EYS: variants seen among roughly 807,000 people sequenced by gnomAD.
The protein encoded by EYS is EGF-like photoreceptor maintenance factor, also known as protein eyes shut homolog.
A neutral mutation model predicts 282.1 loss-of-function variants in EYS; 250 were observed. The ratio of observed to expected loss-of-function variants is 0.89; its 90% CI spans 0.80 to 0.98. The LOEUF is 0.98. Ranked by LOEUF, EYS falls within the 50% of genes least tolerant of loss-of-function variation. The probability of loss-of-function intolerance (pLI) is 0.00; values close to 1 mark genes in which losing one functional copy is unlikely to be tolerated. For missense variants in EYS, 4,016 were observed against 3,709.0 expected, an observed-to-expected ratio of 1.08 and a Z score of -2.15; for synonymous variants, 1,355 against 1,282.9, an observed-to-expected ratio of 1.06 and a Z score of -1.20.
intron 30 of EYS, among the ~76,000 whole-genome samples, chr6:64,300,928 C>T (rs1769211946): frequency 6.6e-6 from 1 of 152,194 alleles, no homozygotes; most frequent in African/African-American, 2.4e-5. Context: ...GTGTCAGTAT[C>T]ATGTAAATCA....
At chr6:64,811,344 G>A (rs891592533) in intron 22 of EYS, among the ~76,000 whole-genome samples, 2 of 151,724 alleles carry the variant, frequency 1.3e-5, no homozygotes, top group African/African-American at 2.4e-5. Context: ...AGTAATGAAT[G>A]CCTATGCTTA....
chr6:64,546,850 G>A (rs1256464134), intron 26 of EYS, among the ~76,000 whole-genome samples: 11 of 152,148 alleles, frequency 7.2e-5, no homozygotes, highest in East Asian at 5.8e-4. Context: ...TTAGAATGGC[G>A]ATCATTAAAA....
At chr6:63,907,209 G>C (rs941243286) in intron 35 of EYS, among the ~76,000 whole-genome samples, 7 of 151,990 alleles carry the variant, frequency 4.6e-5, no homozygotes, top group African/African-American at 1.7e-4. Context: ...AAGAATATTG[G>C]GTCCTCAAAC....
chr6:64,969,210 C>T (rs1290304912), intron 14 of EYS, among the ~76,000 whole-genome samples: 1 of 152,068 alleles, frequency 6.6e-6, no homozygotes, highest in Non-Finnish European at 1.5e-5. Context: ...AAATTGTCAG[C>T]TGAAAGAAAA....
chr6:65,050,868 G>T (rs1773250135), intron 13 of EYS, among the ~76,000 whole-genome samples: 1 of 151,574 alleles, frequency 6.6e-6, no homozygotes, highest in South Asian at 2.1e-4. Flanking sequence ...CCAGAAAACA[G>T]CATTATTACT....
chr6:64,620,982 G>A (rs533233346), intron 23 of EYS, among the ~76,000 whole-genome samples: 1 of 152,024 alleles, frequency 6.6e-6, no homozygotes, highest in Non-Finnish European at 1.5e-5. Context: ...GACAACTTTA[G>A]GTGACACATT....
intron 5 of EYS, among the ~76,000 whole-genome samples, chr6:65,454,071 G>T (rs1764511410): frequency 1.3e-5 from 2 of 151,020 alleles, no homozygotes; most frequent in South Asian, 4.2e-4. Flanking sequence ...TCATATGGTA[G>T]TTCTATTTTT....
intron 2 of EYS, among the ~76,000 whole-genome samples, chr6:65,501,333 T>G (rs1271665994): frequency 6.6e-6 from 1 of 151,956 alleles, no homozygotes; most frequent in Non-Finnish European, 1.5e-5. Flanking sequence ...TGTAGATGAT[T>G]AAAATGAGAA....
intron 14 of EYS, among the ~76,000 whole-genome samples, chr6:64,956,067 T>C (rs1476154541): frequency 6.6e-6 from 1 of 151,508 alleles, no homozygotes; most frequent in Non-Finnish European, 1.5e-5. Context: ...ATCAATGACA[T>C]CCTTCACAGA....
intron 26 of EYS, among the ~76,000 whole-genome samples, chr6:64,494,963 T>C (rs1170170459): frequency 2.0e-5 from 3 of 151,714 alleles, no homozygotes. Flanking sequence ...TATAAATAGG[T>C]ACCACTCTTG....
At chr6:65,228,396 A>G (rs1766683342) in intron 12 of EYS, among the ~76,000 whole-genome samples, 1 of 151,906 alleles carries the variant, frequency 6.6e-6, no homozygotes, top group Admixed American at 6.6e-5. Context: ...TAAATCTGAC[A>G]AAAATATGCA....
At chr6:64,730,519 G>A (rs961653925) in intron 22 of EYS, among the ~76,000 whole-genome samples, 10 of 151,920 alleles carry the variant, frequency 6.6e-5, no homozygotes, top group Admixed American at 4.6e-4. Flanking sequence ...CTGCTCTCTC[G>A]CCAGGCTGGA....
At chr6:64,250,389 A>T (rs1202648319) in intron 30 of EYS, among the ~76,000 whole-genome samples, 3 of 152,178 alleles carry the variant, frequency 2.0e-5, no homozygotes, top group Admixed American at 1.3e-4. Flanking sequence ...ATTGCACGCA[A>T]CCGTGGCCAG....
chr6:64,766,418 G>A (rs1472347449), intron 22 of EYS, among the ~76,000 whole-genome samples: 1 of 149,576 alleles, frequency 6.7e-6, no homozygotes, highest in Non-Finnish European at 1.5e-5. Flanking sequence ...CAGATCACGA[G>A]GTCAGGAGTT....
intron 22 of EYS, among the ~76,000 whole-genome samples, chr6:64,647,275 A>C (rs994705993): frequency 1.3e-5 from 2 of 152,182 alleles, no homozygotes; most frequent in East Asian, 3.9e-4. Context: ...AAACAACAGT[A>C]ATACTGAGAA....
At chr6:64,602,782 A>C (rs1766802433) in intron 24 of EYS, among the ~76,000 whole-genome samples, 1 of 152,068 alleles carries the variant, frequency 6.6e-6, no homozygotes, top group Admixed American at 6.6e-5. Context: ...GAAATGTTTA[A>C]TGCTGCCAAA....
chr6:64,159,694 A>G (rs1418922088), intron 31 of EYS, among the ~76,000 whole-genome samples: 1 of 151,834 alleles, frequency 6.6e-6, no homozygotes, highest in Non-Finnish European at 1.5e-5. Context: ...CATTTTAACT[A>G]TCAACCAACT....
At chr6:65,093,569 C>CT (rs1774636065) in intron 12 of EYS, among the ~76,000 whole-genome samples, 6 of 151,720 alleles carry the variant, frequency 4.0e-5, no homozygotes, top group Admixed American at 3.9e-4. Context: ...TTGCCATCAG[C>CT]TTAAAATAGA....
At chr6:64,375,554 G>T (rs192071767) in intron 29 of EYS, among the ~76,000 whole-genome samples, 58 of 152,312 alleles carry the variant, frequency 3.8e-4, no homozygotes, top group Middle Eastern at 3.4e-3. Flanking sequence ...AGGTGAGGGT[G>T]TGGGGTAGGA....
Sources: gnomAD v4.1 joint callset for allele counts (sites outside exome capture counted in the v4.1 genomes callset) on GRCh38, gnomAD v4.1.1 for gene constraint, MANE v1.5 for transcripts, NCBI Gene and HGNC (gene_info 2026-07-23, HGNC 2026-07-21) for gene names.